Variants in DPP6 observed in about 807,000 individuals in gnomAD.
The protein encoded by DPP6 is A-type potassium channel modulatory protein DPP6.
A neutral mutation model predicts 122.6 loss-of-function variants in DPP6; 69 were observed. The ratio of observed to expected loss-of-function variants is 0.56; its 90% CI spans 0.46 to 0.69. The LOEUF (loss-of-function observed/expected upper bound fraction) is 0.69, where lower values mean the gene tolerates loss of function less well. Ranked by LOEUF, DPP6 falls within the 30% of genes least tolerant of loss-of-function variation. The pLI is 0.00. For missense variants in DPP6, 928 were observed against 1,116.9 expected, an observed-to-expected ratio of 0.83 and a Z score of 2.41; for synonymous variants, 418 against 433.1, an observed-to-expected ratio of 0.97 and a Z score of 0.43.
At chr7:154,315,939 G>A (rs148311499) in intron 1 of DPP6, among the ~76,000 whole-genome samples, 12 of 152,232 alleles carry the variant, frequency 7.9e-5, no homozygotes, top group African/African-American at 2.4e-4. Context: ...AACATGCCAC[G>A]TTACTTGTTG....
chr7:154,308,928 G>A (rs1296145203), intron 1 of DPP6, among the ~76,000 whole-genome samples: 2 of 152,188 alleles, frequency 1.3e-5, no homozygotes, highest in Non-Finnish European at 2.9e-5. Context: ...CATATTGTGT[G>A]CATGTGTATG....
intron 1 of DPP6, among the ~76,000 whole-genome samples, chr7:154,256,723 G>A (rs1802680447): frequency 6.6e-6 from 1 of 152,206 alleles, no homozygotes; most frequent in African/African-American, 2.4e-5. Flanking sequence ...GTGGAAAGGA[G>A]AGAAACTTAG....
chr7:154,562,487 T>C (rs1830484573), intron 4 of DPP6, among the ~76,000 whole-genome samples: 1 of 152,052 alleles, frequency 6.6e-6, no homozygotes, highest in Non-Finnish European at 1.5e-5. Context: ...ACCATAAATA[T>C]CATACTTAAT....
chr7:153,792,691 T>G, the DPP6 span, among the ~76,000 whole-genome samples: 1 of 151,910 alleles, frequency 6.6e-6, no homozygotes, highest in Admixed American at 6.6e-5. Context: ...ATTGGAAGTT[T>G]ATTTTAAAAG....
In DPP6 at chr7:154,145,476, T is replaced by A. The variant is rs3115153; in HGVS notation, c.243+92413T>A. On this transcript the variant is annotated intron_variant, in intron 1 of 25. Coordinates refer to ENST00000377770, the MANE Select transcript of DPP6 (RefSeq NM_130797.4). ...CATGGGACCCTGAGCTGTGAGTCCG[T>A]TTAAGCTGAGCCTGGACTTCTGACC... is the stretch of plus-strand genomic sequence containing the variant. 6.6e-4 allele frequency among the ~76,000 whole-genome samples: 100 copies of A among 152,216 alleles called. No homozygotes were observed. The South Asian group carries it at 0.017, about 26-fold the overall frequency.
Position 153,896,425 on chromosome 7 carries a change from A to AT in DPP6, c.51+8700dup, listed in dbSNP as rs1268311016. On this transcript the variant is annotated intron_variant, in intron 1 of 25. Coordinates refer to the DPP6 transcript ENST00000404039. ...AATAATTTTCAAGCCTAAAGGCCAAATTTTTTTTTCATTCTTATAAAAATT... is the reference window on the plus strand; with the variant it reads ...AATAATTTTCAAGCCTAAAGGCCAAATTTTTTTTTTCATTCTTATAAAAATT... Among the ~76,000 whole-genome samples, 9 of 151,830 alleles carry AT rather than the reference A, an allele frequency of 5.9e-5. No homozygotes were observed. In the East Asian group the frequency reaches 1.4e-3, roughly 23 times the overall value.
At chr7:154,503,821 G>C (rs1367786618) in intron 3 of DPP6, among the ~76,000 whole-genome samples, 1 of 152,176 alleles carries the variant, frequency 6.6e-6, no homozygotes, top group African/African-American at 2.4e-5. Context: ...CAATGCTTCT[G>C]CATCAGGAGG....
chr7:153,862,172 T>G, the DPP6 span, among the ~76,000 whole-genome samples: 1 of 152,156 alleles, frequency 6.6e-6, no homozygotes, highest in African/African-American at 2.4e-5. Flanking sequence ...CAAAAGTTAT[T>G]TTAAAACCAG....
At chr7:153,992,171 G>C (rs1378655802) in intron 1 of DPP6, among the ~76,000 whole-genome samples, 1 of 151,746 alleles carries the variant, frequency 6.6e-6, no homozygotes, top group Non-Finnish European at 1.5e-5. Flanking sequence ...ATAAATTTTG[G>C]GGGGCACATT....
At chr7:154,734,168 A>G (rs543929860) in intron 8 of DPP6, among the ~76,000 whole-genome samples, 32 of 152,376 alleles carry the variant, frequency 2.1e-4, no homozygotes, top group African/African-American at 5.8e-4. Flanking sequence ...ACTTTTCTTT[A>G]GAGACAGGCT....
intron 1 of DPP6, among the ~76,000 whole-genome samples, chr7:154,251,398 C>T (rs1299990721): frequency 6.6e-6 from 1 of 152,194 alleles, no homozygotes; most frequent in Non-Finnish European, 1.5e-5. Context: ...ACAGAGTCAA[C>T]AAGGCTGTGC....
At chr7:154,372,822 G>T (rs1188020228) in intron 1 of DPP6, among the ~76,000 whole-genome samples, 1 of 152,200 alleles carries the variant, frequency 6.6e-6, no homozygotes, top group Non-Finnish European at 1.5e-5. Flanking sequence ...CGGCATACAG[G>T]GGTTAGAGTG....
chr7:154,429,180 T>TAA (rs34365501), intron 1 of DPP6, among the ~76,000 whole-genome samples: 94,007 of 146,020 alleles, frequency 0.64, 32,472 homozygotes, highest in Non-Finnish European at 0.77. Context: ...CTTAATCTGT[T>TAA]AAAAAAAAAA....
intron 1 of DPP6, among the ~76,000 whole-genome samples, chr7:154,385,036 T>C (rs1216772024): frequency 3.9e-5 from 6 of 152,164 alleles, no homozygotes; most frequent in Non-Finnish European, 8.8e-5. Flanking sequence ...AGTGGTGCGA[T>C]CTCGGCTCAC....
At chr7:154,299,510 T>C (rs1393867614) in intron 1 of DPP6, among the ~76,000 whole-genome samples, 4 of 152,274 alleles carry the variant, frequency 2.6e-5, no homozygotes, top group Admixed American at 6.5e-5. Flanking sequence ...AAAGTGTGGG[T>C]TTTTTGTTGT....
chr7:154,407,506 T>G (rs1047587261), intron 1 of DPP6, among the ~76,000 whole-genome samples: 5 of 152,208 alleles, frequency 3.3e-5, no homozygotes, highest in Admixed American at 3.3e-4. Flanking sequence ...TACAACGATT[T>G]TGCCAGGATG....
intron 1 of DPP6, among the ~76,000 whole-genome samples, chr7:154,141,764 A>G (rs1182874371): frequency 6.6e-6 from 1 of 152,224 alleles, no homozygotes; most frequent in Non-Finnish European, 1.5e-5. Context: ...AATGACTTAT[A>G]CTTTATGTCC....
chr7:154,041,576 C>T (rs914561181), intron 1 of DPP6, among the ~76,000 whole-genome samples: 6 of 152,144 alleles, frequency 3.9e-5, no homozygotes, highest in African/African-American at 1.4e-4. Context: ...ACCAGGTGTG[C>T]AGTGTGTCCA....
intron 1 of DPP6, among the ~76,000 whole-genome samples, chr7:154,233,280 G>A (rs575323565): frequency 5.3e-5 from 8 of 152,186 alleles, no homozygotes; most frequent in East Asian, 1.9e-4. Flanking sequence ...GCAAGCTTTC[G>A]TGCATTTGCT....
Sources: gnomAD v4.1 joint callset for allele counts (sites outside exome capture counted in the v4.1 genomes callset) on GRCh38, gnomAD v4.1.1 for gene constraint, MANE v1.5 for transcripts, NCBI Gene and HGNC (gene_info 2026-07-23, HGNC 2026-07-21) for gene names.